The following ADAMTSL4 variants were observed in gnomAD, a reference collection of about 807,000 sequenced individuals.
ADAMTSL4 encodes ADAMTS like 4.
Under a neutral mutation model 122.8 loss-of-function variants are expected in ADAMTSL4, and 97 were observed. That is an observed-to-expected ratio of 0.79 (90% CI 0.67 to 0.93). The LOEUF is 0.93. Ranked by LOEUF, ADAMTSL4 falls within the 40% of genes least tolerant of loss-of-function variation. The pLI, the probability that ADAMTSL4 is intolerant of heterozygous loss-of-function variation, is 0.00. For missense variants in ADAMTSL4, 1,408 were observed against 1,453.5 expected (o/e 0.97, Z 0.51); for synonymous variants, 592 against 568.0 (o/e 1.04, Z -0.60).
At chr1:150,557,886 G>C in intron 13 of ADAMTSL4, 59 bp from the exon 14 acceptor site, 1 of 1,560,130 alleles carries the variant, frequency 6.4e-7, no homozygotes, top group Non-Finnish European at 8.6e-7. Context: ...TGCTGCCACG[G>C]CAGCCCCACA....
In ADAMTSL4 at chr1:150,554,657, G is replaced by A. The variant is rs1244708767; in HGVS notation, c.1234+190G>A. ...GTGGTGAGTGGTCTGCAGAAGGGTC[G>A]GGGTGGGAGGAGGAGGTGTGGGAGA... On this transcript the variant is annotated intron_variant, in intron 7 of 18. Coordinates refer to ENST00000271643, the MANE Select transcript of ADAMTSL4 (RefSeq NM_019032.6). This position sits in a 1 kb window ranked among gnomAD's most constrained non-coding sequence, Gnocchi z 4.0. 2.6e-6 allele frequency: 4 copies of A among 1,537,980 alleles called. No individual in the cohort carries two copies. Among genetic ancestry groups the A allele is most frequent in the East Asian group, 4.9e-5 (2 of 40,898 alleles).
rs1671461367 is a variant in ADAMTSL4 at position 150,552,038 on chromosome 1, A to C, written c.-84-167A>C. The C allele has an allele frequency of 1.8e-6, 1 of 565,812 alleles. No individual in the cohort carries two copies. Among genetic ancestry groups the C allele is most frequent in the Admixed American group, 3.2e-5 (1 of 31,664 alleles). The allele number at this position is 565,812 out of a possible 1,614,324, so 35.0% of individuals were successfully genotyped here. Reference sequence around the variant, plus strand: ...GGAGGGCTGAGGTCAGCCCCTGACCATGTAGCCTCTACAGATGGACAAGGC... The same window carrying C: ...GGAGGGCTGAGGTCAGCCCCTGACCCTGTAGCCTCTACAGATGGACAAGGC... On this transcript the variant is annotated intron_variant, in intron 2 of 18. Coordinates refer to ENST00000271643, the MANE Select transcript of ADAMTSL4 (RefSeq NM_019032.6). The surrounding 1 kb of genome is among the most constrained non-coding windows in gnomAD (Gnocchi z 4.0).
rs964479559 is a variant in ADAMTSL4 at position 150,560,613 on chromosome 1, C to T, written c.*417C>T. 8.0e-6 allele frequency: 2 copies of T among 249,636 alleles called. No homozygotes were observed. Among genetic ancestry groups the T allele is most frequent in the Non-Finnish European group, 1.6e-5 (2 of 124,908 alleles). 15.5% of individuals were successfully genotyped at this position (249,636 alleles called of 1,614,324 possible). A position where few individuals can be genotyped will look rare whatever the true frequency, so the allele number is the denominator to read the frequency against. On this transcript the variant is annotated 3_prime_UTR_variant, in exon 19 of 19. Transcript: ENST00000271643. ...AACTCCAGTTTTGTGCCCTAAGCCT[C>T]ATTTCTCATGTTCAGACCTCACATC...
At position 150,553,575 on chromosome 1, in the gene ADAMTSL4, C is replaced by T. The variant is rs139990606; in HGVS notation, c.584C>T (p.Pro195Leu). Reference protein sequence around the residue: ...LISSRGEEAIPSPTPRAEPFS... With the variant: ...LISSRGEEAILSPTPRAEPFS... ...TCTTCTAGAGGGGAAGAGGCTATTC[C>T]GTCCCCTACTCCAAGAGCAGAGCCA... The change falls in exon 6 of 19, where the codon CCG (proline) becomes CTG (leucine). Residue 195 changes from proline (P) to leucine (L), a missense_variant. By Grantham distance (98) the Pro-to-Leu change is moderately conservative (BLOSUM62 -3). Coordinates refer to ENST00000271643, the MANE Select transcript of ADAMTSL4 (RefSeq NM_019032.6). 766 of 1,613,872 alleles carry T rather than the reference C, an allele frequency of 4.7e-4. 2 individuals carry two copies. In the African/African-American group the frequency reaches 7.7e-3, roughly 16 times the overall value.
In ADAMTSL4 at chr1:150,558,047, G is replaced by A. The variant is rs587622811; in HGVS notation, c.2280G>A (p.Ser760=). 12 of 1,612,864 alleles carry A rather than the reference G, an allele frequency of 7.4e-6. No homozygotes were observed. Among genetic ancestry groups the A allele is most frequent in the Admixed American group, 3.3e-5 (2 of 60,018 alleles). ...AGGAATTTGGGGGGGGTGGCTCCTCGGTGCCCCCGGAGCGCTGTGGACATC... is the reference window on the plus strand; with the variant it reads ...AGGAATTTGGGGGGGGTGGCTCCTCAGTGCCCCCGGAGCGCTGTGGACATC... ...CRQEFGGGGS[S]VPPERCGHLP... The change falls in exon 14 of 19, where the codon TCG becomes TCA. Residue 760 remains serine, a synonymous_variant. Transcript: ENST00000271643.
In ADAMTSL4 at chr1:150,553,784, C is replaced by T; in HGVS notation, c.793C>T (p.Pro265Ser). 6.2e-7 allele frequency: 1 copy of T among 1,614,044 alleles called. No homozygotes were observed. Among genetic ancestry groups the T allele is most frequent in the Non-Finnish European group, 8.5e-7 (1 of 1,179,984 alleles). ...AQASGTEPPS[P>S]THSLGEGGFF... ...GGCCTCTGGCACAGAGCCCCCCTCA[C>T]CCACGCACTCCTTAGGAGAAGGTGG... Residue 265 changes from proline (P) to serine (S), a missense_variant, in exon 6 of 19, where the codon CCC (proline) becomes TCC (serine). Pro to Ser is a moderately conservative substitution (Grantham distance 74, BLOSUM62 -1). Transcript: ENST00000271643.
At position 150,552,985 on chromosome 1, in the gene ADAMTSL4, T is replaced by G. The variant is rs761772078; in HGVS notation, c.166T>G (p.Cys56Gly). The change falls in exon 5 of 19, where the codon TGC (cysteine) becomes GGC (glycine). Residue 56 changes from cysteine to glycine, a missense_variant. Cys to Gly is a radical substitution (Grantham distance 159). Transcript: ENST00000271643. The surrounding 1 kb of genome is among the most constrained non-coding windows in gnomAD (Gnocchi z 4.0). Reference protein sequence around the residue: ...VWGPWVQWASCSQPCGVGVQR... With the variant: ...VWGPWVQWASGSQPCGVGVQR... ...GGGACCTTGGGTCCAGTGGGCCTCT[T>G]GCTCCCAGCCCTGCGGGGTGGGGGT... 1.9e-6 allele frequency: 3 copies of G among 1,613,256 alleles called. No homozygotes were observed. The highest frequency in any genetic ancestry group is 1.7e-6 in the Non-Finnish European group (2 of 1,179,940).
chr1:150,557,089 A>G (rs747717586), intron 11 of ADAMTSL4, 39 bp downstream of exon 11: 14 of 1,612,260 alleles, frequency 8.7e-6, no homozygotes, highest in African/African-American at 1.3e-5. Flanking sequence ...GAGGAGGGAG[A>G]GGCTGCAGGG....
Position 150,553,626 on chromosome 1 carries a change from C to T in ADAMTSL4, c.635C>T (p.Thr212Ile). 1 of 1,613,872 alleles carries T rather than the reference C, an allele frequency of 6.2e-7. No homozygotes were observed. The highest frequency in any genetic ancestry group is 1.1e-5 in the South Asian group (1 of 91,072). Residue 212 changes from threonine (T) to isoleucine (I), a missense_variant, in exon 6 of 19, where the codon ACT (threonine) becomes ATT (isoleucine). Coordinates refer to ENST00000271643, the MANE Select transcript of ADAMTSL4 (RefSeq NM_019032.6). ...TTCTCCGCAAACGGCAGCCCCCAAA[C>T]TGAGCTCCCTCCCACAGAACTGTCT... ...EPFSANGSPQTELPPTELSVH... is the reference protein window; with the variant it reads ...EPFSANGSPQIELPPTELSVH...
intron 13 of ADAMTSL4, 123 bp from the exon 14 acceptor site, chr1:150,557,822 C>A: frequency 7.2e-7 from 1 of 1,397,122 alleles, no homozygotes; most frequent in Non-Finnish European, 9.7e-7. Flanking sequence ...ACTCCAAACG[C>A]CAAACGTGCC....
In ADAMTSL4 at chr1:150,560,220, G is replaced by A; in HGVS notation, c.*24G>A. 1.2e-6 allele frequency: 2 copies of A among 1,613,300 alleles called. No individual in the cohort carries two copies. The highest frequency in any genetic ancestry group is 1.7e-6 in the Non-Finnish European group (2 of 1,179,640). ...GAAAGGGGTCCGGGGCACCTTCACG[G>A]TTTTCTGTGCCACCATCGGTCACCC... is the stretch of plus-strand genomic sequence containing the variant. On this transcript the variant is annotated 3_prime_UTR_variant, in exon 19 of 19. Coordinates refer to ENST00000271643, the MANE Select transcript of ADAMTSL4 (RefSeq NM_019032.6).
chr1:150,553,871 G>C lies in ADAMTSL4; in HGVS notation c.880G>C (p.Val294Leu), dbSNP rs745391710. ...PSSQGWASPQ[V>L]AGRRPDPFPS... is the part of the protein sequence containing the mutation. ...TTCCCAGGGTTGGGCCAGTCCCCAG[G>C]TAGCAGGGAGACGCCCTGATCCTTT... Residue 294 changes from valine to leucine, a missense_variant, in exon 6 of 19, where the codon GTA becomes CTA. Val to Leu is a conservative substitution (Grantham distance 32). Coordinates refer to ENST00000271643, the MANE Select transcript of ADAMTSL4 (RefSeq NM_019032.6). The C allele has an allele frequency of 2.5e-6, 4 of 1,614,042 alleles. No individual in the cohort carries two copies. The highest frequency in any genetic ancestry group is 3.4e-6 in the Non-Finnish European group (4 of 1,180,002).
chr1:150,550,802 C>T, intron 2 of ADAMTSL4: 1 of 456,650 alleles, frequency 2.2e-6, no homozygotes, highest in Non-Finnish European at 4.4e-6. Context: ...CGCTCTGGCT[C>T]AGCCACTCTG....
rs1672520664 is a variant in ADAMTSL4, at chr1:150,559,090, G to A, written c.2688G>A (p.Arg896=). ...GGCAGAGCTGTCCAACAGGAAGCCG[G>A]CCCCCTGACATGCGCGCCTGCAGCC... The part of the protein sequence containing the change: ...GTGQSCPTGS[R]PPDMRACSLG... Residue 896 remains arginine, a synonymous_variant, in exon 16 of 19, where the codon CGG becomes CGA. Transcript: ENST00000271643. The surrounding 1 kb of genome is among the most constrained non-coding windows in gnomAD (Gnocchi z 4.1). The A allele has an allele frequency of 3.7e-6, 6 of 1,612,776 alleles. No individual in the cohort carries two copies. Among genetic ancestry groups the A allele is most frequent in the Non-Finnish European group, 5.1e-6 (6 of 1,179,944 alleles).
At position 150,557,160 on chromosome 1, in the gene ADAMTSL4, G is replaced by A. The variant is rs1672225316; in HGVS notation, c.1872G>A (p.Arg624=). Residue 624 remains arginine, a synonymous_variant, in exon 12 of 19, where the codon AGG becomes AGA. Coordinates refer to ENST00000271643, the MANE Select transcript of ADAMTSL4 (RefSeq NM_019032.6). ...PVPQLQPEIL[R]VEPPLAPAPR... is the part of the protein sequence containing the mutation. Reference sequence around the variant, plus strand: ...TGCTCCCCTGCACAGAGATTCTGAGGGTGGAGCCCCCACTTGCTCCGGCAC... The same window carrying A: ...TGCTCCCCTGCACAGAGATTCTGAGAGTGGAGCCCCCACTTGCTCCGGCAC... 6 of 1,612,040 alleles carry A rather than the reference G, an allele frequency of 3.7e-6. No homozygotes were observed. Among genetic ancestry groups the A allele is most frequent in the Non-Finnish European group, 5.1e-6 (6 of 1,179,810 alleles).
Position 150,558,076 on chromosome 1 carries a change from C to T in ADAMTSL4, c.2309C>T (p.Pro770Leu), listed in dbSNP as rs1672387032. 1.9e-6 allele frequency: 3 copies of T among 1,613,222 alleles called. No individual in the cohort carries two copies. The highest frequency in any genetic ancestry group is 2.5e-6 in the Non-Finnish European group (3 of 1,180,016). The part of the protein sequence containing the change: ...SVPPERCGHL[P>L]RPNITQSCQL... ...CCCCCGGAGCGCTGTGGACATCTCC[C>T]CCGGCCCAACATCACCCAGTCTTGC... Residue 770 changes from proline to leucine, a missense_variant, in exon 14 of 19, where the codon CCC (proline) becomes CTC (leucine). By Grantham distance (98) the Pro-to-Leu change is moderately conservative (BLOSUM62 -3). Transcript: ENST00000271643.
rs1482925308 is a variant in ADAMTSL4 at position 150,552,272 on chromosome 1, G to C, written c.-17G>C. On this transcript the variant is annotated 5_prime_UTR_variant, in exon 3 of 19. Transcript: ENST00000271643. This position sits in a 1 kb window ranked among gnomAD's most constrained non-coding sequence, Gnocchi z 4.0. The stretch of plus-strand genomic sequence containing the variant: ...CAGTCCGCTCCTGCCTCCCCCTGGG[G>C]CAGTAGAGGGGGAGCGATGGAGAAC... The C allele has an allele frequency of 6.4e-7, 1 of 1,552,222 alleles. No individual in the cohort carries two copies. Among genetic ancestry groups the C allele is most frequent in the Admixed American group, 2.0e-5 (1 of 51,060 alleles).
chr1:150,557,304 A>T lies in ADAMTSL4; in HGVS notation c.2016A>T (p.Gly672=), dbSNP rs372214765. 6.2e-7 allele frequency: 1 copy of T among 1,611,754 alleles called. No individual in the cohort carries two copies. The highest frequency in any genetic ancestry group is 2.2e-5 in the East Asian group (1 of 44,786). ...CAGCTGCGTACTGGAAACGAGTGGG[A>T]CACTCTGCATGCTCAGCGTCCTGCG... ...GSPAAYWKRV[G]HSACSASCGK... Residue 672 remains glycine, a synonymous_variant, in exon 12 of 19, where the codon GGA becomes GGT. Transcript: ENST00000271643.
At position 150,552,620 on chromosome 1, in the gene ADAMTSL4, G is replaced by A. The variant is rs1467143152; in HGVS notation, c.78+20G>A. 2 of 1,608,146 alleles carry A rather than the reference G, an allele frequency of 1.2e-6. No individual in the cohort carries two copies. Among genetic ancestry groups the A allele is most frequent in the Admixed American group, 1.7e-5 (1 of 59,320 alleles). On this transcript the variant is annotated intron_variant, in intron 4 of 18. Coordinates refer to ENST00000271643, the MANE Select transcript of ADAMTSL4 (RefSeq NM_019032.6). The surrounding 1 kb of genome is among the most constrained non-coding windows in gnomAD (Gnocchi z 4.0). ...CAGGAGGTGAGTTCTGGACAAGTGA[G>A]CAGCTGCAGCCTGCCTGCCACCCTT...
Sources: gnomAD v4.1 joint callset for allele counts on GRCh38, gnomAD v4.1.1 for gene constraint, Gnocchi (gnomAD v3.1) non-coding constraint, MANE v1.5 for transcripts, NCBI Gene and HGNC (gene_info 2026-07-23, HGNC 2026-07-21) for gene names.